Variants in PLS3 observed in about 807,000 individuals in gnomAD.
PLS3 encodes plastin 3.
A neutral mutation model predicts 46.5 loss-of-function variants in PLS3; 11 were observed. The observed-to-expected ratio is 0.24, with a 90% CI of 0.15 to 0.39. PLS3 has a LOEUF of 0.39. PLS3 is among the 10% of genes least tolerant of loss of function. The pLI, the probability that PLS3 is intolerant of heterozygous loss-of-function variation, is 1.00. For synonymous variants in PLS3, 167 were observed against 162.2 expected, an observed-to-expected ratio of 1.03 and a Z score of -0.22; for missense variants, 308 against 461.8, an observed-to-expected ratio of 0.67 and a Z score of 3.05.
At chrX:115,594,030 C>T (rs1349744107) in intron 1 of PLS3, among the ~76,000 whole-genome samples, 1 of 110,888 alleles carries the variant, frequency 9.0e-6, no homozygotes, top group East Asian at 2.8e-4. Context: ...GCTTTTGATC[C>T]CAGTTACATG....
chrX:115,594,988 C>T (rs1273929875), intron 1 of PLS3, among the ~76,000 whole-genome samples: 1 of 110,703 alleles, frequency 9.0e-6, no homozygotes, highest in African/African-American at 3.3e-5. Context: ...TTTGTTGTGT[C>T]TTTGGGTTTG....
intron 7 of PLS3, among the ~76,000 whole-genome samples, chrX:115,636,367 C>T (rs946994973): frequency 5.5e-5 from 6 of 109,951 alleles, no homozygotes; most frequent in Admixed American, 2.0e-4. Flanking sequence ...CCACCACGCC[C>T]GGCTAATTTT....
At chrX:115,590,913 C>A (rs1444022654) in intron 1 of PLS3, among the ~76,000 whole-genome samples, 1 of 111,012 alleles carries the variant, frequency 9.0e-6, no homozygotes, top group Admixed American at 9.6e-5. Context: ...CTGAGGCGGG[C>A]AGATCCCAAG....
chrX:115,621,541 C>A (rs2074655300), intron 2 of PLS3, among the ~76,000 whole-genome samples: 1 of 111,025 alleles, frequency 9.0e-6, no homozygotes, highest in Admixed American at 9.6e-5. Flanking sequence ...AACTTTTGGT[C>A]ATTGATCAGG....
At chrX:115,594,738 A>G (rs1188203400) in intron 1 of PLS3, among the ~76,000 whole-genome samples, 2 of 109,868 alleles carry the variant, frequency 1.8e-5, no homozygotes, top group African/African-American at 3.3e-5. Context: ...TCACTCAAAC[A>G]TATGTTAATT....
At chrX:115,645,479 G>GA (rs1273214687) in intron 11 of PLS3, among the ~76,000 whole-genome samples, 1 of 107,352 alleles carries the variant, frequency 9.3e-6, no homozygotes, top group African/African-American at 3.4e-5. Context: ...CTCTAAGAGG[G>GA]AAAAAAAAAG....
chrX:115,629,290 A>C lies in PLS3; in HGVS notation c.330A>C (p.Ser110=), dbSNP rs1242211199. ...KEGICALGGT[S]ELSSEGTQHS... Reference sequence around the variant, plus strand: ...GTATTTGTGCTCTGGGTGGAACTTCAGAGTTGTCCAGCGAAGGAACACAGC... The same window carrying C: ...GTATTTGTGCTCTGGGTGGAACTTCCGAGTTGTCCAGCGAAGGAACACAGC... The change falls in exon 4 of 16, where the codon TCA becomes TCC. Residue 110 remains serine, a synonymous_variant. Coordinates refer to ENST00000355899, the MANE Select transcript of PLS3 (RefSeq NM_005032.7). 2 of 1,203,780 alleles carry C rather than the reference A, an allele frequency of 1.7e-6. No individual in the cohort carries two copies. The highest frequency in any genetic ancestry group is 4.4e-5 in the Admixed American group (2 of 45,316).
At chrX:115,620,579 T>G (rs2074638885) in intron 2 of PLS3, among the ~76,000 whole-genome samples, 1 of 110,668 alleles carries the variant, frequency 9.0e-6, no homozygotes, top group Non-Finnish European at 1.9e-5. Context: ...TGTAAGATAT[T>G]TAGAAGCATC....
rs782185494 is a variant in PLS3, at chrX:115,561,495, C to T, written c.-9+235C>T. The stretch of plus-strand genomic sequence containing the variant: ...TGACGGGGAGTTTCCCTACTAGCAT[C>T]CGCCGCAGACACGTTTTCTGCACTT... On this transcript the variant is annotated intron_variant, in intron 1 of 15. Transcript: ENST00000355899. 2.0e-3 allele frequency among the ~76,000 whole-genome samples: 225 copies of T among 111,863 alleles called. 1 individual carries two copies. Among genetic ancestry groups the T allele is most frequent in the Admixed American group, 2.9e-3 (31 of 10,654 alleles).
chrX:115,563,679 C>T (rs1212552193), intron 1 of PLS3, among the ~76,000 whole-genome samples: 1 of 112,116 alleles, frequency 8.9e-6, no homozygotes, highest in African/African-American at 3.2e-5. Context: ...CTGCAGCAGC[C>T]TCTGAATGAC....
At chrX:115,602,808 C>G (rs1191471982) in intron 1 of PLS3, among the ~76,000 whole-genome samples, 2 of 109,873 alleles carry the variant, frequency 1.8e-5, no homozygotes, top group Non-Finnish European at 3.8e-5. Context: ...ATACTAGTGG[C>G]TGGGATGAAG....
chrX:115,620,706 CTT>C (rs1176959674), intron 2 of PLS3, among the ~76,000 whole-genome samples: 172 of 54,676 alleles, frequency 3.1e-3, no homozygotes, highest in African/African-American at 0.012. Flanking sequence ...TTTTTCTTTT[CTT>C]TTTTTTTTTT....
At chrX:115,575,192 T>C (rs1207930047) in intron 1 of PLS3, among the ~76,000 whole-genome samples, 1 of 111,986 alleles carries the variant, frequency 8.9e-6, no homozygotes, top group African/African-American at 3.2e-5. Context: ...CTATTCCTTT[T>C]TATGGCTGGA....
chrX:115,583,873 T>TG, intron 1 of PLS3, among the ~76,000 whole-genome samples: 1 of 111,028 alleles, frequency 9.0e-6, no homozygotes, highest in East Asian at 2.8e-4. Context: ...TCTTTTTTTT[T>TG]GGGGGAGGGT....
At chrX:115,640,654 A>G (rs1480271506) in intron 9 of PLS3, 151 bp downstream of exon 9, 2 of 376,154 alleles carry the variant, frequency 5.3e-6, no homozygotes, top group Non-Finnish European at 9.4e-6. Flanking sequence ...TTCAGAGGCC[A>G]GAAAACTAGC....
chrX:115,582,855 G>T (rs1232352901), intron 1 of PLS3, among the ~76,000 whole-genome samples: 2 of 112,092 alleles, frequency 1.8e-5, no homozygotes, highest in Non-Finnish European at 3.8e-5. Flanking sequence ...CCTGGGCAAC[G>T]TGGCGAAAGC....
intron 2 of PLS3, among the ~76,000 whole-genome samples, chrX:115,613,100 A>G (rs889470075): frequency 5.4e-5 from 6 of 112,002 alleles, no homozygotes; most frequent in Non-Finnish European, 9.4e-5. Flanking sequence ...CATAAAGAAA[A>G]ATTCATGTAA....
intron 1 of PLS3, among the ~76,000 whole-genome samples, chrX:115,581,009 T>C (rs2074276700): frequency 9.0e-6 from 1 of 111,480 alleles, no homozygotes; most frequent in Non-Finnish European, 1.9e-5. Context: ...GTCCTGGTAT[T>C]ACAGGCGTGA....
chrX:115,599,587 CTTTT>C (rs200531547), intron 1 of PLS3, among the ~76,000 whole-genome samples: 3 of 85,684 alleles, frequency 3.5e-5, no homozygotes, highest in Non-Finnish European at 6.8e-5. Context: ...CATGCTTTTG[CTTTT>C]TTTTTTTTTT....
Sources: allele counts gnomAD v4.1 joint callset (sites outside exome capture counted in the v4.1 genomes callset), GRCh38; gene constraint gnomAD v4.1.1; transcripts MANE v1.5; gene names NCBI Gene and HGNC (gene_info 2026-07-23, HGNC 2026-07-21).